Variants in NAV1 observed in about 807,000 individuals in gnomAD.
The protein encoded by NAV1 is neuron navigator 1.
In NAV1, 18 loss-of-function variants were observed where a neutral mutation model predicts 175.2. That is an observed-to-expected ratio of 0.10 (90% confidence interval 0.07 to 0.15). The LOEUF (loss-of-function observed/expected upper bound fraction) is 0.15. Among genes scored for constraint, NAV1 ranks in the 10% least tolerant of loss-of-function variants. The pLI, the probability that NAV1 is intolerant of heterozygous loss-of-function variation, is 1.00. For missense variants in NAV1, 1,731 were observed against 2,436.6 expected (o/e 0.71, Z 6.10); for synonymous variants, 897 against 978.7 (o/e 0.92, Z 1.56).
chr1:201,814,212 TAAAA>T (rs375429218), intron 28 of NAV1, among the ~76,000 whole-genome samples: 1 of 151,014 alleles, frequency 6.6e-6, no homozygotes, highest in Non-Finnish European at 1.5e-5. Flanking sequence ...ATACAAAAAA[TAAAA>T]AAAATCAGCC....
chr1:201,738,396 G>A (rs898627393), intron 3 of NAV1, among the ~76,000 whole-genome samples: 5 of 152,104 alleles, frequency 3.3e-5, no homozygotes, highest in African/African-American at 1.2e-4. Context: ...CCTCTGCTGA[G>A]GTTTTCTGTC....
At chr1:201,644,096 C>T (rs1668896864), upstream of NAV1, among the ~76,000 whole-genome samples, 1 of 152,158 alleles carries the variant, frequency 6.6e-6, no homozygotes, top group Non-Finnish European at 1.5e-5. Context: ...CCTCTTTCTG[C>T]ACCTCCCCTT....
At chr1:201,677,025 G>A (rs1420816858) in intron 1 of NAV1, among the ~76,000 whole-genome samples, 2 of 152,138 alleles carry the variant, frequency 1.3e-5, no homozygotes, top group Non-Finnish European at 2.9e-5. Flanking sequence ...GCTGAGATGG[G>A]TGGATCACTT....
At chr1:201,598,131 T>C (rs1667408707) in intron 2 of NAV1, among the ~76,000 whole-genome samples, 1 of 152,188 alleles carries the variant, frequency 6.6e-6, no homozygotes, top group Non-Finnish European at 1.5e-5. Context: ...CAGCCAACGC[T>C]ATGTACACAG....
intron 1 of NAV1, among the ~76,000 whole-genome samples, chr1:201,675,043 A>AG (rs2102386610): frequency 6.6e-6 from 1 of 151,956 alleles, no homozygotes; most frequent in East Asian, 1.9e-4. Context: ...AAAAAAAAAA[A>AG]AAAAAGAACT....
intron 15 of NAV1, among the ~76,000 whole-genome samples, chr1:201,802,237 G>C (rs1227181058): frequency 2.8e-5 from 4 of 144,586 alleles, no homozygotes; most frequent in Non-Finnish European, 6.1e-5. Context: ...CCCAGGAGAC[G>C]GAGGTTGCAG....
rs1271753350 is a variant in NAV1, at chr1:201,788,659, G to A, written c.3166+21G>A. 1.3e-5 allele frequency: 20 copies of A among 1,590,284 alleles called. No individual in the cohort carries two copies. The highest frequency in any genetic ancestry group is 2.2e-5 in the East Asian group (1 of 44,544). On this transcript the variant is annotated intron_variant, in intron 10 of 29. Transcript: ENST00000367296. This position sits in a 1 kb window ranked among gnomAD's most constrained non-coding sequence, Gnocchi z 5.7. Reference sequence around the variant, plus strand: ...CGATGGTGAGACTTCATGCTAGCGCGGTTCACGCTCATTCCAGCTCTGCTG... The same window carrying A: ...CGATGGTGAGACTTCATGCTAGCGCAGTTCACGCTCATTCCAGCTCTGCTG...
intron 1 of NAV1, among the ~76,000 whole-genome samples, chr1:201,565,980 C>T (rs895293693): frequency 1.3e-5 from 2 of 152,176 alleles, no homozygotes; most frequent in African/African-American, 2.4e-5. Context: ...AATGCAGCCA[C>T]CCTCTTCCAT....
In NAV1 at chr1:201,812,007, C is replaced by A. The variant is rs750248096; in HGVS notation, c.5024+33C>A. The A allele has an allele frequency of 1.9e-6, 3 of 1,599,986 alleles. No homozygotes were observed. Among genetic ancestry groups the A allele is most frequent in the Non-Finnish European group, 2.6e-6 (3 of 1,167,154 alleles). On this transcript the variant is annotated intron_variant, in intron 26 of 29. Transcript: ENST00000367296. The surrounding 1 kb of genome is among the most constrained non-coding windows in gnomAD (Gnocchi z 4.6). The stretch of plus-strand genomic sequence containing the variant: ...CTCTAGCTCTGGATGAACCTTCTGA[C>A]CCTACCCAAGAGTCTTCAATCCTGG...
intron 3 of NAV1, among the ~76,000 whole-genome samples, chr1:201,721,698 G>A (rs1218165578): frequency 1.3e-5 from 2 of 152,086 alleles, no homozygotes; most frequent in South Asian, 2.1e-4. Flanking sequence ...CATCAGCCTC[G>A]GCCCACTGCA....
intron 1 of NAV1, among the ~76,000 whole-genome samples, chr1:201,650,578 G>A (rs950536879): frequency 1.3e-5 from 2 of 152,234 alleles, no homozygotes; most frequent in African/African-American, 4.8e-5. Flanking sequence ...GGGCGGGGCC[G>A]AGTGACGGGC....
At chr1:201,772,890 G>C (rs147255139) in intron 3 of NAV1, among the ~76,000 whole-genome samples, 2 of 152,102 alleles carry the variant, frequency 1.3e-5, no homozygotes, top group African/African-American at 4.8e-5. Context: ...AAAATTGGCC[G>C]GGCGTGGTGG....
At chr1:201,641,545 G>A (rs1668752494) in intron 2 of NAV1, among the ~76,000 whole-genome samples, 1 of 152,202 alleles carries the variant, frequency 6.6e-6, no homozygotes, top group Admixed American at 6.5e-5. Flanking sequence ...ATGACATGGT[G>A]GAGAAAAGGA....
intron 28 of NAV1, among the ~76,000 whole-genome samples, chr1:201,814,014 C>T (rs1023507591): frequency 1.3e-5 from 2 of 152,050 alleles, no homozygotes; most frequent in Non-Finnish European, 2.9e-5. Flanking sequence ...GCTGAGATCA[C>T]GCCACTGTAC....
chr1:201,684,552 G>C (rs1670599660), intron 1 of NAV1, among the ~76,000 whole-genome samples: 2 of 143,172 alleles, frequency 1.4e-5, no homozygotes, highest in South Asian at 4.5e-4. Flanking sequence ...TCGGCTCACT[G>C]CAACCTCCGT....
chr1:201,570,998 T>A (rs921264592), intron 1 of NAV1, among the ~76,000 whole-genome samples: 1 of 152,262 alleles, frequency 6.6e-6, no homozygotes, highest in Admixed American at 6.5e-5. Flanking sequence ...TGTGTCCGCA[T>A]CCACCCCTGC....
At chr1:201,693,139 G>A (rs1271483021) in intron 1 of NAV1, among the ~76,000 whole-genome samples, 1 of 152,214 alleles carries the variant, frequency 6.6e-6, no homozygotes, top group East Asian at 1.9e-4. Flanking sequence ...TGTTTAGCAG[G>A]CCTTTATGGA....
intron 15 of NAV1, among the ~76,000 whole-genome samples, chr1:201,803,324 C>T (rs1678060242): frequency 6.6e-6 from 1 of 152,192 alleles, no homozygotes; most frequent in African/African-American, 2.4e-5. Context: ...TAGACTGATT[C>T]AAGCTGAGTC....
chr1:201,678,946 C>G (rs1443265410), intron 1 of NAV1, among the ~76,000 whole-genome samples: 1 of 152,018 alleles, frequency 6.6e-6, no homozygotes, highest in Non-Finnish European at 1.5e-5. Context: ...AGCTGGGACA[C>G]AGGATGCTAG....
Sources: gnomAD v4.1 joint callset for allele counts (sites outside exome capture counted in the v4.1 genomes callset) on GRCh38, gnomAD v4.1.1 for gene constraint, Gnocchi (gnomAD v3.1) non-coding constraint, MANE v1.5 for transcripts, NCBI Gene and HGNC (gene_info 2026-07-23, HGNC 2026-07-21) for gene names.